The following PLCH2 variants were observed in gnomAD, a reference collection of about 807,000 sequenced individuals.
The protein encoded by PLCH2 is phospholipase C eta 2, also known as 1-phosphatidylinositol 4,5-bisphosphate phosphodiesterase eta-2.
In PLCH2, 98 loss-of-function variants were observed where a neutral mutation model predicts 134.7. The observed-to-expected ratio is 0.73, with a 90% CI of 0.62 to 0.86. The LOEUF is 0.86. Among genes scored for constraint, PLCH2 ranks in the 40% least tolerant of loss-of-function variants. The pLI, the probability that PLCH2 is intolerant of heterozygous loss-of-function variation, is 0.00. For missense variants in PLCH2, 1,994 were observed against 1,986.6 expected, an observed-to-expected ratio of 1.00 and a Z score of -0.07; for synonymous variants, 974 against 827.5, an observed-to-expected ratio of 1.18 and a Z score of -3.04.
At position 2,504,284 on chromosome 1, in the gene PLCH2, T is replaced by C. The variant is rs1643407497; in HGVS notation, c.3322T>C (p.Trp1108Arg). ...GQVPTEPLGG[W>R]RPLAAPFPAP... ...GGTGCCCACGGAGCCCCTGGGAGGGTGGCGGCCCCTGGCCGCTCCCTTTCC... is the reference window on the plus strand; with the variant it reads ...GGTGCCCACGGAGCCCCTGGGAGGGCGGCGGCCCCTGGCCGCTCCCTTTCC... The change falls in exon 22 of 22, where the codon TGG (tryptophan) becomes CGG (arginine). Residue 1108 changes from tryptophan to arginine, a missense_variant. Physicochemically the swap from Trp to Arg is moderately radical, Grantham distance 101 (BLOSUM62 -3). Around this residue, in one of 2 missense-constraint regions of PLCH2, gnomAD observed 900 missense variants for 752.3 expected, o/e 1.20. Coordinates refer to ENST00000378486, the MANE Select transcript of PLCH2 (RefSeq NM_014638.4). 6.3e-7 allele frequency: 1 copy of C among 1,591,594 alleles called. No individual in the cohort carries two copies. Among genetic ancestry groups the C allele is most frequent in the Non-Finnish European group, 8.5e-7 (1 of 1,171,632 alleles).
chr1:2,432,814 A>C (rs983301045), intron 2 of PLCH2, among the ~76,000 whole-genome samples: 1 of 151,726 alleles, frequency 6.6e-6, no homozygotes, highest in Non-Finnish European at 1.5e-5. Flanking sequence ...AGGGTCCCCA[A>C]CTCCCCCGTC....
At chr1:2,487,773 C>G (rs1448296773) in intron 8 of PLCH2, 55 bp downstream of exon 8, 2 of 1,544,308 alleles carry the variant, frequency 1.3e-6, no homozygotes, top group Non-Finnish European at 1.8e-6. Context: ...GTAGGGTCTC[C>G]AGGCTCTAGC....
chr1:2,443,595 A>AGCCCCGCCGTGC (rs144476621), intron 2 of PLCH2, among the ~76,000 whole-genome samples: 150,280 of 150,382 alleles, frequency 1, 75,089 homozygotes, highest in African/African-American at 1. Flanking sequence ...CGGGCCGGCT[A>AGCCCCGCCGTGC]GCCCCGCGCC....
At chr1:2,451,226 C>A (rs746207188) in intron 2 of PLCH2, among the ~76,000 whole-genome samples, 1 of 152,194 alleles carries the variant, frequency 6.6e-6, no homozygotes, top group African/African-American at 2.4e-5. Context: ...CAGGGCCCTC[C>A]CCCTCCCAGC....
chr1:2,467,513 G>C, exon 1 of PLCH2: 1 of 397,612 alleles, frequency 2.5e-6, no homozygotes, highest in Non-Finnish European at 4.4e-6. Context: ...TGGGCTCTGC[G>C]CGCGGGGTGC....
rs780237265 is a variant in PLCH2, at chr1:2,505,103, G to A, written c.4141G>A (p.Gly1381Ser). 4.7e-5 allele frequency: 72 copies of A among 1,541,954 alleles called. No homozygotes were observed. The highest frequency in any genetic ancestry group is 2.2e-4 in the Middle Eastern group (1 of 4,630). ...PPEEERGTPE[G>S]ACSVGHEGSV... The stretch of plus-strand genomic sequence containing the variant: ...AGAAGAGGAGCGGGGCACCCCCGAG[G>A]GCGCCTGCTCCGTGGGCCACGAGGG... The change falls in exon 22 of 22, where the codon GGC becomes AGC. Residue 1381 changes from glycine (G) to serine (S), a missense_variant. Physicochemically the swap from Gly to Ser is moderately conservative, Grantham distance 56 (BLOSUM62 0). Transcript: ENST00000378486.
In PLCH2 at chr1:2,444,314, C is replaced by G. The variant is rs1191160083; in HGVS notation, c.115+13685C>G. On this transcript the variant is annotated intron_variant, in intron 2 of 3. Transcript: ENST00000609981. This position sits in a 1 kb window ranked among gnomAD's most constrained non-coding sequence, Gnocchi z 4.6. ...TGAGCCCAGGCCGGGCACCCCGATC[C>G]CTGCCGGATGGTGCCGCAGGGCACC... 6.6e-6 allele frequency among the ~76,000 whole-genome samples: 1 copy of G among 152,348 alleles called. No individual in the cohort carries two copies. The highest frequency in any genetic ancestry group is 6.5e-5 in the Admixed American group (1 of 15,312).
rs1007614225 is a variant in PLCH2, at chr1:2,443,862, C to G, written c.115+13233C>G. Among the ~76,000 whole-genome samples, 6 of 150,136 alleles carry G rather than the reference C, an allele frequency of 4.0e-5. No individual in the cohort carries two copies. In the East Asian group the frequency reaches 1.2e-3, roughly 29 times the overall value. On this transcript the variant is annotated intron_variant, in intron 2 of 3. Coordinates refer to the PLCH2 transcript ENST00000609981. ...CGGAGCCCCAGCCCGAGCCCGAGCC[C>G]GGCCGCTGACTGCGCCTCCCGGCCC...
rs865855217 is a variant in PLCH2 at position 2,483,757 on chromosome 1, C to T, written c.646-691C>T. Reference sequence around the variant, plus strand: ...CTCCAGCCCAGAGTGTGTTGTTGACCCCCGTTTGGGGGGGCGCTGACCCCC... The same window carrying T: ...CTCCAGCCCAGAGTGTGTTGTTGACTCCCGTTTGGGGGGGCGCTGACCCCC... On this transcript the variant is annotated intron_variant, in intron 4 of 21. Transcript: ENST00000378486. Among the ~76,000 whole-genome samples, 64 of 96,094 alleles carry T rather than the reference C, an allele frequency of 6.7e-4. 2 individuals are homozygous for T. Among genetic ancestry groups the T allele is most frequent in the African/African-American group, 2.3e-3 (56 of 24,302 alleles). The allele number at this position is 96,094 out of a possible 152,430, so 63.0% of individuals were successfully genotyped here.
intron 2 of PLCH2, among the ~76,000 whole-genome samples, chr1:2,438,639 G>C (rs984065063): frequency 6.6e-6 from 1 of 152,148 alleles, no homozygotes; most frequent in Non-Finnish European, 1.5e-5. Flanking sequence ...GAGCACCCCC[G>C]GCCACTGCGG....
chr1:2,447,910 G>A (rs1277391634), intron 2 of PLCH2, among the ~76,000 whole-genome samples: 1 of 152,212 alleles, frequency 6.6e-6, no homozygotes, highest in Non-Finnish European at 1.5e-5. Context: ...CTCCCTGGCT[G>A]CGGGACTTTG....
chr1:2,427,478 T>G (rs1638855096), intron 1 of PLCH2, among the ~76,000 whole-genome samples: 1 of 152,090 alleles, frequency 6.6e-6, no homozygotes, highest in African/African-American at 2.4e-5. Flanking sequence ...GGGTGGCCAG[T>G]GGGGCCTCAG....
At chr1:2,486,874 G>T (rs1422758338) in intron 5 of PLCH2, 33 bp from the exon 6 acceptor site, 2 of 1,543,208 alleles carry the variant, frequency 1.3e-6, no homozygotes, top group Non-Finnish European at 1.8e-6. Context: ...CCAGGGATGG[G>T]CTGCCTGGAC....
upstream of PLCH2, among the ~76,000 whole-genome samples, chr1:2,422,437 C>G (rs1456822051): frequency 1.3e-5 from 2 of 152,244 alleles, no homozygotes; most frequent in African/African-American, 4.8e-5. Flanking sequence ...TGCGTTGCAT[C>G]TGTCGCAGTG....
At chr1:2,453,592 C>T (rs1213286946) in intron 2 of PLCH2, among the ~76,000 whole-genome samples, 1 of 152,192 alleles carries the variant, frequency 6.6e-6, no homozygotes, top group Admixed American at 6.5e-5. Context: ...CTCCCCATTG[C>T]CCAGGGCCAC....
the PLCH2 span, among the ~76,000 whole-genome samples, chr1:2,420,701 A>C: frequency 2.6e-5 from 4 of 152,062 alleles, no homozygotes; most frequent in Non-Finnish European, 4.4e-5. Context: ...CATTTTGAAA[A>C]ATCTCCTCTT....
chr1:2,456,409 C>T (rs564762205), intron 2 of PLCH2, among the ~76,000 whole-genome samples: 3 of 152,110 alleles, frequency 2.0e-5, no homozygotes, highest in East Asian at 1.9e-4. Context: ...TCTAGCCACG[C>T]GCTCTGGGGC....
chr1:2,438,315 C>T (rs1489318476), intron 2 of PLCH2, among the ~76,000 whole-genome samples: 1 of 152,234 alleles, frequency 6.6e-6, no homozygotes. Flanking sequence ...GAAGAAAGGG[C>T]AGGGCCCAGT....
In PLCH2 at chr1:2,498,743, G is replaced by C; in HGVS notation, c.2350-1G>C. 6.2e-7 allele frequency: 1 copy of C among 1,608,434 alleles called. No homozygotes were observed. Among genetic ancestry groups the C allele is most frequent in the Non-Finnish European group, 8.5e-7 (1 of 1,177,776 alleles). ...ATGCCACCCCCACTCCTGTGTCCCA[G>C]ATCATCGACCCCTTTGTGGAGGTGG... On this transcript the variant is annotated splice_acceptor_variant, in intron 17 of 21. Transcript: ENST00000378486. LOFTEE classifies it high-confidence loss of function. This position sits in a 1 kb window ranked among gnomAD's most constrained non-coding sequence, Gnocchi z 5.4.
Sources: gnomAD v4.1 joint callset for allele counts (sites outside exome capture counted in the v4.1 genomes callset) on GRCh38, gnomAD v4.1.1 for gene constraint, gnomAD v4.1.1 regional missense constraint, Gnocchi (gnomAD v3.1) non-coding constraint, MANE v1.5 for transcripts, NCBI Gene and HGNC (gene_info 2026-07-23, HGNC 2026-07-21) for gene names.